Variants in MGAT4C observed in about 807,000 individuals in gnomAD.
MGAT4C encodes the protein MGAT4 family member C, also known as alpha-1,3-mannosyl-glycoprotein 4-beta-N-acetylglucosaminyltransferase C.
A neutral mutation model predicts 40.1 loss-of-function variants in MGAT4C; 19 were observed. That is an observed-to-expected ratio of 0.47 (90% CI 0.33 to 0.70). MGAT4C has a LOEUF of 0.70. Ranked by LOEUF, MGAT4C falls within the 30% of genes least tolerant of loss-of-function variation. The probability of loss-of-function intolerance (pLI) is 0.02; values close to 1 mark genes in which losing one functional copy is unlikely to be tolerated. For missense variants in MGAT4C, 491 were observed against 563.2 expected, an observed-to-expected ratio of 0.87 and a Z score of 1.30; for synonymous variants, 181 against 187.1, an observed-to-expected ratio of 0.97 and a Z score of 0.27.
chr12:86,000,306 A>G (rs1887158927), intron 2 of MGAT4C, among the ~76,000 whole-genome samples: 1 of 152,184 alleles, frequency 6.6e-6, no homozygotes, highest in Non-Finnish European at 1.5e-5. Context: ...GGTCCTTCAA[A>G]AAGATCAATA....
intron 2 of MGAT4C, among the ~76,000 whole-genome samples, chr12:86,596,070 C>G (rs948451118): frequency 5.9e-5 from 9 of 152,102 alleles, no homozygotes; most frequent in Non-Finnish European, 8.8e-5. Context: ...TCATCTAAAA[C>G]AAGTACCAAC....
At chr12:86,769,097 G>C (rs1330600504) in intron 1 of MGAT4C, among the ~76,000 whole-genome samples, 5 of 152,048 alleles carry the variant, frequency 3.3e-5, no homozygotes, top group African/African-American at 1.2e-4. Context: ...CAAAATGGGA[G>C]AACATTTCTG....
chr12:86,801,470 G>A (rs1203103565), intron 1 of MGAT4C, among the ~76,000 whole-genome samples: 2 of 151,818 alleles, frequency 1.3e-5, no homozygotes, highest in Non-Finnish European at 2.9e-5. Flanking sequence ...TATAGAAAAA[G>A]AATCCAGGGG....
intron 1 of MGAT4C, among the ~76,000 whole-genome samples, chr12:86,050,544 A>G (rs1892802249): frequency 6.6e-6 from 1 of 152,152 alleles, no homozygotes; most frequent in Admixed American, 6.6e-5. Context: ...AGAACCAATT[A>G]TGTTGTTTTT....
At chr12:86,748,254 T>C (rs1393884998) in intron 1 of MGAT4C, among the ~76,000 whole-genome samples, 1 of 151,610 alleles carries the variant, frequency 6.6e-6, no homozygotes, top group African/African-American at 2.4e-5. Context: ...CATTTTCATA[T>C]AATATTGGCA....
chr12:86,154,549 C>T (rs1048334658), intron 1 of MGAT4C, among the ~76,000 whole-genome samples: 1 of 152,098 alleles, frequency 6.6e-6, no homozygotes, highest in Admixed American at 6.6e-5. Context: ...CTTGTAACTT[C>T]TTTTGTGTGT....
At chr12:86,465,845 T>C (rs1046627202) in intron 2 of MGAT4C, among the ~76,000 whole-genome samples, 1 of 152,116 alleles carries the variant, frequency 6.6e-6, no homozygotes, top group African/African-American at 2.4e-5. Flanking sequence ...CTAAACATTC[T>C]CTTACCATAT....
chr12:86,503,847 C>T (rs1468846697), intron 2 of MGAT4C, among the ~76,000 whole-genome samples: 2 of 119,348 alleles, frequency 1.7e-5, no homozygotes, highest in Non-Finnish European at 3.4e-5. Flanking sequence ...AATTTTGCTA[C>T]AAACTTAAAG....
chr12:86,486,429 T>C (rs946925903), intron 2 of MGAT4C, among the ~76,000 whole-genome samples: 1 of 145,208 alleles, frequency 6.9e-6, no homozygotes, highest in Non-Finnish European at 1.5e-5. Flanking sequence ...CAAAAGAGCA[T>C]GAGTTACTAT....
intron 4 of MGAT4C, among the ~76,000 whole-genome samples, chr12:86,315,070 A>G (rs1182118484): frequency 6.6e-6 from 1 of 152,058 alleles, no homozygotes; most frequent in South Asian, 2.1e-4. Context: ...CAAATAAAAA[A>G]CAGAACAAAG....
intron 1 of MGAT4C, among the ~76,000 whole-genome samples, chr12:86,786,921 A>C (rs1951939829): frequency 6.6e-6 from 1 of 152,242 alleles, no homozygotes; most frequent in African/African-American, 2.4e-5. Context: ...AACTGAATTA[A>C]ATCTTCTTTG....
At chr12:86,302,870 T>A (rs1953849528) in intron 4 of MGAT4C, among the ~76,000 whole-genome samples, 1 of 150,690 alleles carries the variant, frequency 6.6e-6, no homozygotes, top group Non-Finnish European at 1.5e-5. Context: ...TTAGATGAAT[T>A]TGAATTGAGG....
At chr12:86,588,526 T>C in intron 2 of MGAT4C, among the ~76,000 whole-genome samples, 1 of 151,978 alleles carries the variant, frequency 6.6e-6, no homozygotes, top group South Asian at 2.1e-4. Flanking sequence ...CACCCAGGAA[T>C]TGAACTCAGC....
At position 85,975,570 on chromosome 12, in the gene MGAT4C, G is replaced by C. The variant is rs896120075; in HGVS notation, c.*3719C>G. The C allele has an allele frequency of 3.3e-5, 5 of 150,838 alleles. No homozygotes were observed. Among genetic ancestry groups the C allele is most frequent in the African/African-American group, 1.2e-4 (5 of 41,292 alleles). 9.3% of individuals were successfully genotyped at this position (150,838 alleles called of 1,614,324 possible). A position where few individuals can be genotyped will look rare whatever the true frequency, so the allele number is the denominator to read the frequency against. ...AAAATCAAGTCTGTATGAACCTTCT[G>C]TTTTGTCTCCCATGAAGACAAAAGG... On this transcript the variant is annotated 3_prime_UTR_variant, in exon 5 of 5. Transcript: ENST00000611864.
intron 1 of MGAT4C, among the ~76,000 whole-genome samples, chr12:86,757,309 T>C (rs1951322503): frequency 6.6e-6 from 1 of 152,106 alleles, no homozygotes; most frequent in Non-Finnish European, 1.5e-5. Context: ...GCCACGTGTA[T>C]ACCTATGTAA....
chr12:86,212,945 G>C (rs1007728398), intron 1 of MGAT4C, among the ~76,000 whole-genome samples: 1 of 143,018 alleles, frequency 7.0e-6, no homozygotes, highest in African/African-American at 2.6e-5. Flanking sequence ...CTGTTAGTGA[G>C]ATTATTGTTT....
chr12:86,079,597 T>C (rs903304220), intron 1 of MGAT4C, among the ~76,000 whole-genome samples: 3 of 152,074 alleles, frequency 2.0e-5, no homozygotes, highest in Non-Finnish European at 4.4e-5. Flanking sequence ...GGAATGAGTG[T>C]GAGTTCTATA....
At chr12:86,826,297 C>T (rs983962527) in intron 1 of MGAT4C, among the ~76,000 whole-genome samples, 1 of 151,348 alleles carries the variant, frequency 6.6e-6, no homozygotes, top group African/African-American at 2.4e-5. Context: ...ACTCCAGATT[C>T]CAGGGCTTAG....
chr12:86,532,579 A>G (rs571524562), intron 2 of MGAT4C, among the ~76,000 whole-genome samples: 2 of 152,168 alleles, frequency 1.3e-5, no homozygotes, highest in African/African-American at 2.4e-5. Flanking sequence ...GAATAGTCCA[A>G]TTGTATTTGC....
Sources: allele counts gnomAD v4.1 joint callset (sites outside exome capture counted in the v4.1 genomes callset), GRCh38; gene constraint gnomAD v4.1.1; transcripts MANE v1.5; gene names NCBI Gene and HGNC (gene_info 2026-07-23, HGNC 2026-07-21).